ZNF215: variants seen among roughly 807,000 people sequenced by gnomAD.
ZNF215 encodes zinc finger protein 215.
ZNF215 carries 24 observed loss-of-function variants against 27.2 expected under a neutral mutation model. The observed-to-expected ratio is 0.88, with a 90% CI of 0.64 to 1.24. The LOEUF is 1.24. Among genes scored for constraint, ZNF215 ranks in the 50% most tolerant of loss-of-function variants. The probability of loss-of-function intolerance (pLI) is 0.00; values close to 1 mark genes in which losing one functional copy is unlikely to be tolerated. For missense variants in ZNF215, 675 were observed against 605.7 expected, an observed-to-expected ratio of 1.11 and a Z score of -1.20; for synonymous variants, 210 against 204.0, an observed-to-expected ratio of 1.03 and a Z score of -0.25.
intron 6 of ZNF215, among the ~76,000 whole-genome samples, chr11:6,944,656 T>A (rs1849752957): frequency 6.6e-6 from 1 of 152,184 alleles, no homozygotes; most frequent in Non-Finnish European, 1.5e-5. Flanking sequence ...ATAAGGAATA[T>A]AACTTGCTCA....
downstream of ZNF215, among the ~76,000 whole-genome samples, chr11:6,961,831 G>C (rs1034986291): frequency 6.6e-6 from 1 of 152,032 alleles, no homozygotes; most frequent in Non-Finnish European, 1.5e-5. Context: ...TCGACACCTT[G>C]TCCTTTACCT....
At chr11:6,948,757 TTTATTA>T (rs556259401) in intron 6 of ZNF215, among the ~76,000 whole-genome samples, 1,540 of 152,176 alleles carry the variant, frequency 0.01, 30 homozygotes, top group African/African-American at 0.035. Context: ...TTATTTTTAT[TTTATTA>T]TTATTATACT....
Position 6,956,089 on chromosome 11 carries a change from A to G in ZNF215, c.1112A>G (p.Lys371Arg). ...LSLSTDIRHQ[K>R]SHTTMNSYEC... Reference sequence around the variant, plus strand: ...TTGAGTACAGATATTCGACACCAAAAAAGTCATACTACAATGAATTCCTAT... The same window carrying G: ...TTGAGTACAGATATTCGACACCAAAGAAGTCATACTACAATGAATTCCTAT... The change falls in exon 7 of 7, where the codon AAA (lysine) becomes AGA (arginine). Residue 371 changes from lysine to arginine, a missense_variant. Physicochemically the swap from Lys to Arg is conservative, Grantham distance 26. Transcript: ENST00000278319. 6.2e-7 allele frequency: 1 copy of G among 1,612,810 alleles called. No homozygotes were observed. The highest frequency in any genetic ancestry group is 8.5e-7 in the Non-Finnish European group (1 of 1,179,722).
chr11:6,970,270 AATG>A (rs957106969), intron 5 of ZNF215, among the ~76,000 whole-genome samples: 3 of 152,358 alleles, frequency 2.0e-5, no homozygotes, highest in African/African-American at 7.2e-5. Flanking sequence ...TACAGAAAAA[AATG>A]ATCCAATTTC....
chr11:6,970,546 C>T (rs904879296), intron 5 of ZNF215, among the ~76,000 whole-genome samples: 2 of 152,064 alleles, frequency 1.3e-5, no homozygotes, highest in Non-Finnish European at 2.9e-5. Context: ...AAAGTGTTTA[C>T]GGGCGAAGTA....
At chr11:6,981,310 T>A (rs1351257247) in intron 5 of ZNF215, among the ~76,000 whole-genome samples, 1 of 150,156 alleles carries the variant, frequency 6.7e-6, no homozygotes, top group African/African-American at 2.4e-5. Context: ...TTCTAACTGG[T>A]GTGAGATGGT....
intron 6 of ZNF215, among the ~76,000 whole-genome samples, chr11:6,948,541 A>G (rs900593761): frequency 2.0e-5 from 3 of 152,162 alleles, no homozygotes; most frequent in African/African-American, 4.8e-5. Context: ...AGTTTTTTCA[A>G]TATGGAAGAT....
At chr11:6,954,613 C>G (rs1850244627) in intron 6 of ZNF215, among the ~76,000 whole-genome samples, 1 of 152,168 alleles carries the variant, frequency 6.6e-6, no homozygotes, top group Non-Finnish European at 1.5e-5. Context: ...GTGGGAGTGA[C>G]CCGATTTTCC....
intron 6 of ZNF215, among the ~76,000 whole-genome samples, chr11:6,954,365 C>T (rs1850226456): frequency 6.6e-6 from 1 of 152,264 alleles, no homozygotes; most frequent in South Asian, 2.1e-4. Context: ...GCACGAAGGC[C>T]TCCTTGAGCT....
chr11:6,932,290 G>C lies in ZNF215; in HGVS notation c.18G>C (p.Lys6Asn). The C allele has an allele frequency of 6.2e-7, 1 of 1,613,980 alleles. No homozygotes were observed. Among genetic ancestry groups the C allele is most frequent in the African/African-American group, 1.3e-5 (1 of 74,996 alleles). The change falls in exon 3 of 7, where the codon AAG (lysine) becomes AAC (asparagine). Residue 6 changes from lysine (K) to asparagine (N), a missense_variant. Transcript: ENST00000278319. MQPLS[K>N]LMAISKPRNL... ...TTAGGAAGATGCAGCCTCTGAGCAA[G>C]TTGATGGCTATCTCAAAACCTCGAA...
intron 2 of ZNF215, among the ~76,000 whole-genome samples, chr11:6,931,696 T>C (rs541002610): frequency 3.7e-4 from 56 of 152,362 alleles, no homozygotes; most frequent in Middle Eastern, 6.8e-3. Flanking sequence ...CATAGAATTT[T>C]ATTGGCATTT....
rs142220778 is a variant in ZNF215 at position 6,957,616 on chromosome 11, A to C, written c.*1085A>C. The C allele has an allele frequency of 2.0e-4, 72 of 363,392 alleles. 1 individual carries two copies. The East Asian group carries it at 0.011, about 55-fold the overall frequency. The allele number at this position is 363,392 out of a possible 1,614,324, so 22.5% of individuals were successfully genotyped here. On this transcript the variant is annotated 3_prime_UTR_variant, in exon 7 of 7. Coordinates refer to ENST00000278319, the MANE Select transcript of ZNF215 (RefSeq NM_013250.4). Reference sequence around the variant, plus strand: ...AAGTTTGATGATGTTGTGACCAGACATTTGCCTTAGGAACTTAACTCTTGT... The same window carrying C: ...AAGTTTGATGATGTTGTGACCAGACCTTTGCCTTAGGAACTTAACTCTTGT...
At chr11:6,953,843 GT>G (rs1850197824) in intron 6 of ZNF215, among the ~76,000 whole-genome samples, 2 of 151,930 alleles carry the variant, frequency 1.3e-5, no homozygotes, top group East Asian at 3.9e-4. Context: ...TTTCTGCTCT[GT>G]TTTTTCCCCA....
chr11:6,959,992 T>C (rs541163246), downstream of ZNF215, among the ~76,000 whole-genome samples: 47 of 152,212 alleles, frequency 3.1e-4, no homozygotes, highest in Non-Finnish European at 5.6e-4. Context: ...TGAATATATA[T>C]GATATATGTT....
intron 3 of ZNF215, among the ~76,000 whole-genome samples, chr11:6,936,408 C>G (rs1258784072): frequency 6.6e-6 from 1 of 151,910 alleles, no homozygotes; most frequent in African/African-American, 2.4e-5. Context: ...TTCACAAATT[C>G]CAAAAACACA....
chr11:6,972,428 A>G (rs958665548), intron 5 of ZNF215, among the ~76,000 whole-genome samples: 2 of 151,122 alleles, frequency 1.3e-5, no homozygotes, highest in African/African-American at 2.4e-5. Flanking sequence ...TTTTTAACCA[A>G]TATTGTAGCA....
downstream of ZNF215, among the ~76,000 whole-genome samples, chr11:6,960,486 C>T (rs910526764): frequency 6.6e-6 from 1 of 152,144 alleles, no homozygotes; most frequent in African/African-American, 2.4e-5. Context: ...GAGTCAAGAA[C>T]CACCAGATTC....
rs563212303 is a variant in ZNF215, at chr11:6,941,426, T to C, written c.401-145T>C. 9.6e-6 allele frequency: 6 copies of C among 623,182 alleles called. No homozygotes were observed. The East Asian group carries it at 1.1e-4, about 12-fold the overall frequency. 38.6% of individuals were successfully genotyped at this position (623,182 alleles called of 1,614,324 possible). Reference sequence around the variant, plus strand: ...AAGATCTAGGCCTGACCTTTGAAGATTGTGATTGCTGGCAGGGCCTGACAT... The same window carrying C: ...AAGATCTAGGCCTGACCTTTGAAGACTGTGATTGCTGGCAGGGCCTGACAT... On this transcript the variant is annotated intron_variant, in intron 3 of 6. Transcript: ENST00000278319.
intron 5 of ZNF215, among the ~76,000 whole-genome samples, chr11:6,970,931 G>C (rs1257582621): frequency 6.6e-6 from 1 of 152,100 alleles, no homozygotes; most frequent in Non-Finnish European, 1.5e-5. Context: ...CCCTGTGGGG[G>C]AACTTTATCA....
Sources: gnomAD v4.1 joint callset for allele counts (sites outside exome capture counted in the v4.1 genomes callset) on GRCh38, gnomAD v4.1.1 for gene constraint, MANE v1.5 for transcripts, NCBI Gene and HGNC (gene_info 2026-07-23, HGNC 2026-07-21) for gene names.